Variants in CWH43 observed in about 807,000 individuals in gnomAD.
CWH43 encodes PGAP2-interacting protein.
CWH43 carries 91 observed loss-of-function variants against 85.7 expected under a neutral mutation model. The observed-to-expected ratio is 1.06, with a 90% confidence interval of 0.90 to 1.26. The LOEUF (loss-of-function observed/expected upper bound fraction) is 1.26. CWH43 is among the 50% of genes most tolerant of loss of function. The pLI, the probability that CWH43 is intolerant of heterozygous loss-of-function variation, is 0.00. For missense variants in CWH43, 869 were observed against 839.2 expected (o/e 1.04, Z -0.44); for synonymous variants, 323 against 293.6 (o/e 1.10, Z -1.02).
chr4:49,055,270 T>A (rs573165508), intron 15 of CWH43, among the ~76,000 whole-genome samples: 1 of 152,328 alleles, frequency 6.6e-6, no homozygotes, highest in South Asian at 2.1e-4. Context: ...GATCATATGA[T>A]TTTTGTCTTT....
chr4:49,007,286 T>TC lies in CWH43; in HGVS notation c.1146_1147insC (p.Lys383GlnfsTer8). 6.2e-7 allele frequency: 1 copy of TC among 1,609,402 alleles called. No homozygotes were observed. The highest frequency in any genetic ancestry group is 8.5e-7 in the Non-Finnish European group (1 of 1,177,974). On this transcript the variant is annotated frameshift_variant, in exon 8 of 16. Coordinates refer to ENST00000226432, the MANE Select transcript of CWH43 (RefSeq NM_025087.3). LOFTEE classifies it high-confidence loss of function. ...TGCTTCTTCAAACAAAAAACAGTTC[T>TC]AAAGTGCTTTTCAGAAAGAGTGAAA...
At chr4:49,026,975 T>C (rs1560502204) in intron 9 of CWH43, among the ~76,000 whole-genome samples, 1 of 152,224 alleles carries the variant, frequency 6.6e-6, no homozygotes, top group Non-Finnish European at 1.5e-5. Flanking sequence ...CTGTTTTCCA[T>C]TGTGATTGTA....
Position 48,986,282 on chromosome 4 carries a change from TG to T in CWH43, c.-144del. 1 of 745,350 alleles carries T rather than the reference TG, an allele frequency of 1.3e-6. No individual in the cohort carries two copies. Among genetic ancestry groups the T allele is most frequent in the Non-Finnish European group, 2.1e-6 (1 of 473,098 alleles). The allele number at this position is 745,350 out of a possible 1,614,324, so 46.2% of individuals were successfully genotyped here. Reference sequence around the variant, plus strand: ...CGGTTCGGCAAGTGGGTCAGTTGGCTGGGGCTCACTTGGCAACGGGACGCGG... The same window carrying T: ...CGGTTCGGCAAGTGGGTCAGTTGGCTGGGCTCACTTGGCAACGGGACGCGG... On this transcript the variant is annotated 5_prime_UTR_variant, in exon 1 of 16. Coordinates refer to ENST00000226432, the MANE Select transcript of CWH43 (RefSeq NM_025087.3).
intron 15 of CWH43, among the ~76,000 whole-genome samples, chr4:49,053,657 T>G (rs1784865270): frequency 6.6e-6 from 1 of 152,192 alleles, no homozygotes; most frequent in Non-Finnish European, 1.5e-5. Context: ...ATTAAGTTTT[T>G]TGAGTTCCCT....
In CWH43 at chr4:48,988,980, C is replaced by T. The variant is rs557708752; in HGVS notation, c.235+312C>T. 2.6e-4 allele frequency among the ~76,000 whole-genome samples: 39 copies of T among 152,204 alleles called. 1 individual carries two copies. Among genetic ancestry groups the T allele is most frequent in the South Asian group, 2.5e-3 (12 of 4,818 alleles). ...TTCTTTCCAACTGTGACATAACACTCAGGAGCCATTTAAAAAAGTTTGTTA... is the reference window on the plus strand; with the variant it reads ...TTCTTTCCAACTGTGACATAACACTTAGGAGCCATTTAAAAAAGTTTGTTA... On this transcript the variant is annotated intron_variant, in intron 2 of 15. Coordinates refer to ENST00000226432, the MANE Select transcript of CWH43 (RefSeq NM_025087.3).
intron 7 of CWH43, among the ~76,000 whole-genome samples, chr4:49,004,643 G>T (rs770017519): frequency 3.6e-4 from 55 of 152,094 alleles, no homozygotes; most frequent in Non-Finnish European, 2.4e-4. Flanking sequence ...TCCTGCCTTG[G>T]CTTCCCAAAG....
intron 9 of CWH43, among the ~76,000 whole-genome samples, chr4:49,024,547 G>A (rs1560500937): frequency 6.6e-6 from 1 of 152,148 alleles, no homozygotes; most frequent in Admixed American, 6.5e-5. Flanking sequence ...TGGCTTGGTA[G>A]TGGCAAATTC....
At chr4:49,024,466 A>C (rs1180413070) in intron 9 of CWH43, among the ~76,000 whole-genome samples, 2 of 151,750 alleles carry the variant, frequency 1.3e-5, no homozygotes, top group African/African-American at 4.8e-5. Flanking sequence ...TGCTTTATGG[A>C]GATTCTATTT....
chr4:49,051,577 G>A (rs1360284622), intron 15 of CWH43, among the ~76,000 whole-genome samples: 13 of 152,178 alleles, frequency 8.5e-5, no homozygotes. Context: ...ATTACCATGT[G>A]AAATACAATT....
rs1262883911 is a variant in CWH43, at chr4:49,039,321, A to ATATATATATATATATG, written c.1803+1153_1803+1154insTATGTATATATATATA. Among the ~76,000 whole-genome samples, 5 of 22,448 alleles carry ATATATATATATATATG rather than the reference A, an allele frequency of 2.2e-4. 1 individual carries two copies. The highest frequency in any genetic ancestry group is 2.6e-3 in the Admixed American group (2 of 762). The allele number at this position is 22,448 out of a possible 152,430, so 14.7% of individuals were successfully genotyped here. A position where few individuals can be genotyped will look rare whatever the true frequency, so the allele number is the denominator to read the frequency against. On this transcript the variant is annotated intron_variant, in intron 13 of 15. Transcript: ENST00000226432. ...TCAGGAGACTGATATATATATATAT[A>ATATATATATATATATG]TATATATATATACTGATGTATATAT...
At chr4:49,001,905 A>G (rs1253545189) in intron 6 of CWH43, among the ~76,000 whole-genome samples, 1 of 152,126 alleles carries the variant, frequency 6.6e-6, no homozygotes, top group Non-Finnish European at 1.5e-5. Flanking sequence ...CTAACAGTCA[A>G]ATAAGTGCAA....
chr4:49,032,710 C>T lies in CWH43; in HGVS notation c.1653C>T (p.Asn551=), dbSNP rs1447252484. The T allele has an allele frequency of 7.4e-6, 12 of 1,613,984 alleles. No individual in the cohort carries two copies. Among genetic ancestry groups the T allele is most frequent in the Non-Finnish European group, 9.3e-6 (11 of 1,179,868 alleles). ...ATTTTGTCGTGACACACTTTGGGAA[C>T]CACGAGTGGGTTTCTTTGGCCCACC... ...LVDFVVTHFG[N]HEDDLDRKLQ... Residue 551 remains asparagine (N), a synonymous_variant, in exon 12 of 16, where the codon AAC becomes AAT. Transcript: ENST00000226432.
At chr4:49,000,322 G>T (rs1782951690) in intron 6 of CWH43, among the ~76,000 whole-genome samples, 1 of 152,180 alleles carries the variant, frequency 6.6e-6, no homozygotes, top group Non-Finnish European at 1.5e-5. Flanking sequence ...GGTTGGCCAG[G>T]TCCTCTTCCT....
chr4:49,001,502 T>C (rs1415719813), intron 6 of CWH43, among the ~76,000 whole-genome samples: 1 of 152,022 alleles, frequency 6.6e-6, no homozygotes, highest in Non-Finnish European at 1.5e-5. Flanking sequence ...GGAAGGGAAA[T>C]GCATGCACAT....
chr4:49,030,709 GT>G (rs1300541543), intron 10 of CWH43, 115 bp from the exon 11 acceptor site: 19 of 936,126 alleles, frequency 2.0e-5, no homozygotes, highest in Non-Finnish European at 2.5e-5. Flanking sequence ...TAATTACTTT[GT>G]TTTTGGGTTT....
At chr4:49,019,552 T>C (rs1783672235) in intron 9 of CWH43, among the ~76,000 whole-genome samples, 1 of 152,054 alleles carries the variant, frequency 6.6e-6, no homozygotes, top group African/African-American at 2.4e-5. Flanking sequence ...TTCATTTTAT[T>C]ATTAGTATTA....
chr4:49,018,453 G>A (rs1243190395), intron 9 of CWH43, among the ~76,000 whole-genome samples: 1 of 152,184 alleles, frequency 6.6e-6, no homozygotes, highest in Non-Finnish European at 1.5e-5. Flanking sequence ...ACAGCAATGT[G>A]AGATTCTTTA....
At chr4:49,039,104 A>T (rs545033457) in intron 13 of CWH43, among the ~76,000 whole-genome samples, 2 of 146,114 alleles carry the variant, frequency 1.4e-5, no homozygotes, top group South Asian at 4.3e-4. Flanking sequence ...TAAATAATAA[A>T]TAAATAAAAA....
chr4:49,038,245 T>A, intron 13 of CWH43, 65 bp downstream of exon 13: 5 of 1,397,432 alleles, frequency 3.6e-6, no homozygotes, highest in South Asian at 3.1e-5. Context: ...TTCATGTTTT[T>A]AAAAAAACCA....
Sources: gnomAD v4.1 joint callset for allele counts (sites outside exome capture counted in the v4.1 genomes callset) on GRCh38, gnomAD v4.1.1 for gene constraint, MANE v1.5 for transcripts, NCBI Gene and HGNC (gene_info 2026-07-23, HGNC 2026-07-21) for gene names.